The following ABLIM2 variants were observed in gnomAD, a reference collection of about 807,000 sequenced individuals.
ABLIM2 encodes the protein actin binding LIM protein family member 2, also known as actin-binding LIM protein 2.
Under a neutral mutation model 97.7 loss-of-function variants are expected in ABLIM2, and 53 were observed. The observed-to-expected ratio is 0.54, with a 90% CI of 0.44 to 0.68. The LOEUF (loss-of-function observed/expected upper bound fraction) is 0.68, where lower values mean the gene tolerates loss of function less well. Among genes scored for constraint, ABLIM2 ranks in the 30% least tolerant of loss-of-function variants. The probability of loss-of-function intolerance (pLI) is 0.00; values close to 1 mark genes in which losing one functional copy is unlikely to be tolerated. For synonymous variants in ABLIM2, 361 were observed against 345.8 expected (o/e 1.04, Z -0.49); for missense variants, 835 against 867.2 (o/e 0.96, Z 0.47).
chr4:8,109,891 C>T (rs924223693), intron 1 of ABLIM2, among the ~76,000 whole-genome samples: 1 of 152,246 alleles, frequency 6.6e-6, no homozygotes, highest in Non-Finnish European at 1.5e-5. Flanking sequence ...TGGCCTTTCT[C>T]ACTCTGGTTG....
chr4:8,018,023 C>G (rs996920925), intron 14 of ABLIM2, among the ~76,000 whole-genome samples: 4 of 151,494 alleles, frequency 2.6e-5, no homozygotes, highest in Non-Finnish European at 5.9e-5. Flanking sequence ...AAGACGATCA[C>G]TGGAGACAGT....
Position 8,085,596 on chromosome 4 carries a change from G to A in ABLIM2, c.454+2573C>T, listed in dbSNP as rs1180344430. Among the ~76,000 whole-genome samples the A allele has an allele frequency of 1.5e-5, 2 of 136,162 alleles. No homozygotes were observed. The highest frequency in any genetic ancestry group is 7.5e-5 in the Admixed American group (1 of 13,246). The allele number at this position is 136,162 out of a possible 152,430, so 89.3% of individuals were successfully genotyped here. On this transcript the variant is annotated intron_variant, in intron 4 of 20. Coordinates refer to ENST00000447017, the MANE Select transcript of ABLIM2 (RefSeq NM_001130083.2). This position sits in a 1 kb window ranked among gnomAD's most constrained non-coding sequence, Gnocchi z 6.1. The stretch of plus-strand genomic sequence containing the variant: ...CCACGCTGCAGCCCCGTCCACTCAC[G>A]CGGGTCTGGGGGGTGCCCACGCTGC...
At chr4:7,969,014 C>T (rs1725374457) in intron 20 of ABLIM2, among the ~76,000 whole-genome samples, 1 of 152,068 alleles carries the variant, frequency 6.6e-6, no homozygotes, top group Admixed American at 6.6e-5. Context: ...TGCCTGTAAT[C>T]CCAGCTACTC....
chr4:7,991,170 T>C (rs1748405809), intron 17 of ABLIM2, among the ~76,000 whole-genome samples: 1 of 152,220 alleles, frequency 6.6e-6, no homozygotes, highest in African/African-American at 2.4e-5. Flanking sequence ...TAGGCTGTTC[T>C]CAAAAGAGTG....
chr4:8,007,180 G>C (rs1246500042), intron 16 of ABLIM2: 1 of 985,424 alleles, frequency 1.0e-6, no homozygotes, highest in Non-Finnish European at 1.2e-6. Context: ...ATGAGAAACA[G>C]TTTCTGTTTA....
At chr4:8,008,978 G>C in intron 15 of ABLIM2, 72 bp downstream of exon 15, 1 of 1,547,906 alleles carries the variant, frequency 6.5e-7, no homozygotes, top group Non-Finnish European at 8.9e-7. Context: ...AGTCTCAATC[G>C]GAGAAGCCCT....
At position 8,128,004 on chromosome 4, in the gene ABLIM2, C is replaced by T. The variant is rs535337202; in HGVS notation, c.11-21367G>A. 1.8e-4 allele frequency among the ~76,000 whole-genome samples: 28 copies of T among 152,296 alleles called. 1 individual carries two copies. The East Asian group carries it at 4.1e-3, about 22-fold the overall frequency. On this transcript the variant is annotated intron_variant, in intron 1 of 20. Coordinates refer to ENST00000447017, the MANE Select transcript of ABLIM2 (RefSeq NM_001130083.2). The surrounding 1 kb of genome is among the most constrained non-coding windows in gnomAD (Gnocchi z 4.9). ...AAATGGGGGCTTCAAACAACAGATA[C>T]GGATTCTCTCGCAGTTCTGGGGGCC...
chr4:8,126,051 G>C (rs1027965381), intron 1 of ABLIM2, among the ~76,000 whole-genome samples: 2 of 152,218 alleles, frequency 1.3e-5, no homozygotes, highest in African/African-American at 4.8e-5. Flanking sequence ...AGGTCAGGCA[G>C]AATCAGGGCT....
chr4:8,127,508 G>A lies in ABLIM2; in HGVS notation c.11-20871C>T. The A allele has an allele frequency of 7.8e-7, 1 of 1,289,578 alleles. No homozygotes were observed. The highest frequency in any genetic ancestry group is 5.5e-5 in the East Asian group (1 of 18,022). The allele number at this position is 1,289,578 out of a possible 1,614,324, so 79.9% of individuals were successfully genotyped here. On this transcript the variant is annotated intron_variant, in intron 1 of 20. Transcript: ENST00000447017. The surrounding 1 kb of genome is among the most constrained non-coding windows in gnomAD (Gnocchi z 7.3). The stretch of plus-strand genomic sequence containing the variant: ...TGACTCATGGAGCTCACGGCTCCCA[G>A]CCGGATGGTCTGGGCAAAAGCGCAG...
intron 1 of ABLIM2, among the ~76,000 whole-genome samples, chr4:8,158,243 G>A (rs974319508): frequency 7.9e-5 from 12 of 152,346 alleles, no homozygotes; most frequent in African/African-American, 2.9e-4. Flanking sequence ...CTGCCAGAGC[G>A]GCGCAAGGGC....
Position 8,071,944 on chromosome 4 carries a change from G to A in ABLIM2, c.675+5684C>T, listed in dbSNP as rs1394617217. The A allele has an allele frequency of 5.1e-6, 5 of 985,320 alleles. No individual in the cohort carries two copies. Among genetic ancestry groups the A allele is most frequent in the East Asian group, 2.3e-4 (2 of 8,794 alleles). The allele number at this position is 985,320 out of a possible 1,614,324, so 61.0% of individuals were successfully genotyped here. On this transcript the variant is annotated intron_variant, in intron 6 of 20. Coordinates refer to ENST00000447017, the MANE Select transcript of ABLIM2 (RefSeq NM_001130083.2). The surrounding 1 kb of genome is among the most constrained non-coding windows in gnomAD (Gnocchi z 6.2). The stretch of plus-strand genomic sequence containing the variant: ...CAGCGGGGCACCGGCACACTGGGCC[G>A]AGCATCAGGCAGTGCCACCGCGGCG...
rs892323944 is a variant in ABLIM2 at position 8,044,488 on chromosome 4, T to C, written c.900+676A>G. 6.6e-6 allele frequency among the ~76,000 whole-genome samples: 1 copy of C among 151,810 alleles called. No homozygotes were observed. The highest frequency in any genetic ancestry group is 1.5e-5 in the Non-Finnish European group (1 of 67,984). On this transcript the variant is annotated intron_variant, in intron 9 of 20. Transcript: ENST00000447017. The surrounding 1 kb of genome is among the most constrained non-coding windows in gnomAD (Gnocchi z 4.4). ...ATATGTATGTATACATATATAAATT[T>C]AAATATACAATATTAAATGTATTAA... is the stretch of plus-strand genomic sequence containing the variant.
At position 8,036,234 on chromosome 4, in the gene ABLIM2, G is replaced by T. The variant is rs1476311552; in HGVS notation, c.962C>A (p.Ala321Asp). ...GTCGGGGCGGTCGATGTCATAGATG[G>T]CCTTACTTTTAGGAAGGGCTGCCAA... is the stretch of plus-strand genomic sequence containing the variant. ...RDLAALPKSK[A>D]IYDIDRPDMI... The change falls in exon 10 of 21, where the codon GCC (alanine) becomes GAC (aspartate). Residue 321 changes from alanine to aspartate, a missense_variant. Coordinates refer to ENST00000447017, the MANE Select transcript of ABLIM2 (RefSeq NM_001130083.2). 6.2e-7 allele frequency: 1 copy of T among 1,613,884 alleles called. No individual in the cohort carries two copies.
At chr4:8,098,185 TAG>T (rs1561393513) in intron 2 of ABLIM2, among the ~76,000 whole-genome samples, 2 of 152,202 alleles carry the variant, frequency 1.3e-5, no homozygotes, top group Admixed American at 1.3e-4. Context: ...CCCTCCCTGC[TAG>T]AGTCACAGAG....
chr4:8,063,839 G>A (rs1025408280), intron 6 of ABLIM2, among the ~76,000 whole-genome samples: 3 of 152,158 alleles, frequency 2.0e-5, no homozygotes, highest in Non-Finnish European at 4.4e-5. Flanking sequence ...TGCCTTTGCT[G>A]TGCCCCAACT....
chr4:8,077,447 G>A (rs1054948700), intron 6 of ABLIM2, among the ~76,000 whole-genome samples, 181 bp downstream of exon 6: 16 of 152,362 alleles, frequency 1.1e-4, no homozygotes, highest in African/African-American at 3.8e-4. Flanking sequence ...GGAGGAGGTG[G>A]CACTGGGCAG....
At position 8,032,011 on chromosome 4, in the gene ABLIM2, G is replaced by A. The variant is rs1409492182; in HGVS notation, c.1048-2235C>T. 1.3e-5 allele frequency among the ~76,000 whole-genome samples: 2 copies of A among 152,068 alleles called. No homozygotes were observed. Among genetic ancestry groups the A allele is most frequent in the Admixed American group, 1.3e-4 (2 of 15,274 alleles). On this transcript the variant is annotated intron_variant, in intron 10 of 20. Coordinates refer to ENST00000447017, the MANE Select transcript of ABLIM2 (RefSeq NM_001130083.2). This position sits in a 1 kb window ranked among gnomAD's most constrained non-coding sequence, Gnocchi z 4.3. ...CAAAGTGCTGGGATTACAGGTGTGA[G>A]CCACCACGCCCAGCCTATGAAATGT...
Position 8,005,434 on chromosome 4 carries a change from T to C in ABLIM2, c.1618+2625A>G, listed in dbSNP as rs1306784911. Reference sequence around the variant, plus strand: ...CGCGCTACAGATGGACGTCCCGGGGTGCAGGTGGCGTGCCTTGCTGTGTGC... The same window carrying C: ...CGCGCTACAGATGGACGTCCCGGGGCGCAGGTGGCGTGCCTTGCTGTGTGC... On this transcript the variant is annotated intron_variant, in intron 16 of 20. Transcript: ENST00000447017. This position sits in a 1 kb window ranked among gnomAD's most constrained non-coding sequence, Gnocchi z 4.9. The C allele has an allele frequency of 1.9e-6, 1 of 532,968 alleles. No homozygotes were observed. Among genetic ancestry groups the C allele is most frequent in the Non-Finnish European group, 3.8e-6 (1 of 259,936 alleles). The allele number at this position is 532,968 out of a possible 1,614,324, so 33.0% of individuals were successfully genotyped here.
Position 8,091,546 on chromosome 4 carries a change from TATTTATAATTATATA to T in ABLIM2, c.339-3277_339-3263del, listed in dbSNP as rs1828130447. ...ATATTATATATAAAATTATATATAA[TATTTATAATTATATA>T]TATTATATATAATTTTATATAAAAT... On this transcript the variant is annotated intron_variant, in intron 3 of 20. Transcript: ENST00000447017. 1.2e-4 allele frequency among the ~76,000 whole-genome samples: 2 copies of T among 16,226 alleles called. 1 individual carries two copies. Among genetic ancestry groups the T allele is most frequent in the Non-Finnish European group, 1.9e-4 (2 of 10,734 alleles). 10.6% of individuals were successfully genotyped at this position (16,226 alleles called of 152,430 possible). A position where few individuals can be genotyped will look rare whatever the true frequency, so the allele number is the denominator to read the frequency against.
Sources: allele counts gnomAD v4.1 joint callset (sites outside exome capture counted in the v4.1 genomes callset), GRCh38; gene constraint gnomAD v4.1.1; non-coding constraint Gnocchi (gnomAD v3.1); transcripts MANE v1.5; gene names NCBI Gene and HGNC (gene_info 2026-07-23, HGNC 2026-07-21).